The following FIGN variants were observed in gnomAD, a reference collection of about 807,000 sequenced individuals.
FIGN encodes the protein fidgetin.
FIGN carries 11 observed loss-of-function variants against 51.3 expected under a neutral mutation model. The observed-to-expected ratio is 0.21, with a 90% CI of 0.13 to 0.35. The LOEUF is 0.35. Among genes scored for constraint, FIGN ranks in the 10% least tolerant of loss-of-function variants. The pLI is 1.00. For synonymous variants in FIGN, 407 were observed against 363.2 expected (o/e 1.12, Z -1.37); for missense variants, 857 against 943.6 (o/e 0.91, Z 1.20).
chr2:163,693,025 C>T (rs979780502), intron 2 of FIGN, among the ~76,000 whole-genome samples: 2 of 152,228 alleles, frequency 1.3e-5, no homozygotes, highest in Non-Finnish European at 2.9e-5. Flanking sequence ...TCAGCATCTT[C>T]CCATGACCCA....
chr2:163,718,120 G>A (rs987008937), intron 2 of FIGN, among the ~76,000 whole-genome samples: 1 of 152,076 alleles, frequency 6.6e-6, no homozygotes. Context: ...GAGCAAACAC[G>A]TCTCTCAGTA....
intron 2 of FIGN, among the ~76,000 whole-genome samples, chr2:163,711,061 T>A (rs1684580894): frequency 6.6e-6 from 1 of 152,132 alleles, no homozygotes; most frequent in Non-Finnish European, 1.5e-5. Flanking sequence ...AGCATTCATT[T>A]TTAACCACAG....
chr2:163,730,525 T>G (rs904661637), intron 2 of FIGN, among the ~76,000 whole-genome samples: 1 of 151,808 alleles, frequency 6.6e-6, no homozygotes. Flanking sequence ...TGTGTGTGTG[T>G]GTGTGTGTGT....
At chr2:163,728,480 T>C (rs1305525510) in intron 2 of FIGN, among the ~76,000 whole-genome samples, 2 of 151,644 alleles carry the variant, frequency 1.3e-5, no homozygotes, top group East Asian at 3.9e-4. Flanking sequence ...TCACATGATA[T>C]ATAGGAGATA....
intron 2 of FIGN, among the ~76,000 whole-genome samples, chr2:163,726,844 T>A (rs1205664255): frequency 6.6e-6 from 1 of 152,110 alleles, no homozygotes; most frequent in East Asian, 1.9e-4. Flanking sequence ...TATTTCTTCA[T>A]CCATATACTT....
At chr2:163,646,124 G>T (rs986969150) in intron 2 of FIGN, among the ~76,000 whole-genome samples, 1 of 152,062 alleles carries the variant, frequency 6.6e-6, no homozygotes, top group Non-Finnish European at 1.5e-5. Context: ...TAAATTTACT[G>T]TACTGTCAAA....
chr2:163,640,259 A>G (rs1412494401), intron 2 of FIGN, among the ~76,000 whole-genome samples: 2 of 152,238 alleles, frequency 1.3e-5, no homozygotes, highest in African/African-American at 2.4e-5. Flanking sequence ...AAAATTTCAT[A>G]ACATTAAACT....
intron 2 of FIGN, among the ~76,000 whole-genome samples, chr2:163,660,963 A>C (rs1232632057): frequency 7.5e-6 from 1 of 132,662 alleles, no homozygotes; most frequent in Non-Finnish European, 1.5e-5. Context: ...GGCTCACTGC[A>C]AACTCCTCCT....
At chr2:163,659,201 T>C (rs1188200813) in intron 2 of FIGN, among the ~76,000 whole-genome samples, 1 of 152,122 alleles carries the variant, frequency 6.6e-6, no homozygotes, top group Non-Finnish European at 1.5e-5. Flanking sequence ...TGGAAACAAA[T>C]TGAAAAACAA....
At chr2:163,654,803 T>C (rs1314382484) in intron 2 of FIGN, among the ~76,000 whole-genome samples, 3 of 152,136 alleles carry the variant, frequency 2.0e-5, no homozygotes, top group Admixed American at 2.0e-4. Flanking sequence ...AAATATCTCA[T>C]GTATACCATA....
intron 2 of FIGN, among the ~76,000 whole-genome samples, chr2:163,697,707 G>T (rs1356705113): frequency 1.3e-5 from 2 of 152,112 alleles, no homozygotes; most frequent in African/African-American, 4.8e-5. Flanking sequence ...CAACACACCA[G>T]TTGGTCATGG....
intron 2 of FIGN, among the ~76,000 whole-genome samples, chr2:163,643,952 A>AAAAAAAAAAAAAAAAAAAC (rs1683344613): frequency 6.8e-6 from 1 of 147,974 alleles, no homozygotes; most frequent in African/African-American, 2.5e-5. Flanking sequence ...AAAAAAAAAA[A>AAAAAAAAAAAAAAAAAAAC]AAAAAAGTCA....
intron 2 of FIGN, among the ~76,000 whole-genome samples, chr2:163,666,805 T>A (rs1292163294): frequency 6.6e-6 from 1 of 151,820 alleles, no homozygotes; most frequent in Non-Finnish European, 1.5e-5. Context: ...AGTGGCAAAA[T>A]CAGAATTTGA....
intron 2 of FIGN, among the ~76,000 whole-genome samples, chr2:163,683,362 G>T (rs1218740720): frequency 6.6e-6 from 1 of 152,138 alleles, no homozygotes; most frequent in Admixed American, 6.5e-5. Flanking sequence ...CAAAATTGTT[G>T]TTTCAAAGAT....
At chr2:163,679,642 C>G (rs1684028423) in intron 2 of FIGN, among the ~76,000 whole-genome samples, 1 of 152,144 alleles carries the variant, frequency 6.6e-6, no homozygotes, top group Non-Finnish European at 1.5e-5. Context: ...CCAACATTTC[C>G]TTGTTATTGA....
chr2:163,712,276 A>C (rs191473689), intron 2 of FIGN, among the ~76,000 whole-genome samples: 3,076 of 152,254 alleles, frequency 0.02, 44 homozygotes, highest in Non-Finnish European at 0.031. Context: ...TTTGTCCTCT[A>C]AAAGAATATA....
At chr2:163,706,204 T>A (rs1456879379) in intron 2 of FIGN, among the ~76,000 whole-genome samples, 1 of 152,202 alleles carries the variant, frequency 6.6e-6, no homozygotes, top group African/African-American at 2.4e-5. Context: ...TCAGTAAATT[T>A]GAACCACAAA....
rs911989188 is a variant in FIGN, at chr2:163,711,024, C to T, written c.25+23879G>A. Among the ~76,000 whole-genome samples the T allele has an allele frequency of 3.3e-5, 5 of 152,248 alleles. No individual in the cohort carries two copies. In the East Asian group the frequency reaches 9.7e-4, roughly 29 times the overall value. On this transcript the variant is annotated intron_variant, in intron 2 of 2. Transcript: ENST00000333129. ...CTACATGCACACATGCACTCACACA[C>T]ACATAGACACACAACATAAGAAAAA...
chr2:163,668,916 G>T (rs2105332013), intron 2 of FIGN, among the ~76,000 whole-genome samples: 1 of 151,722 alleles, frequency 6.6e-6, no homozygotes, highest in Admixed American at 6.6e-5. Context: ...ACTCCAGCCT[G>T]GGTGACAGAG....
Sources: allele counts gnomAD v4.1 joint callset (sites outside exome capture counted in the v4.1 genomes callset), GRCh38; gene constraint gnomAD v4.1.1; transcripts MANE v1.5; gene names NCBI Gene and HGNC (gene_info 2026-07-23, HGNC 2026-07-21).